Variants in GLDN observed in about 807,000 individuals in gnomAD.
GLDN encodes collomin.
A neutral mutation model predicts 56.5 loss-of-function variants in GLDN; 47 were observed. The ratio of observed to expected loss-of-function variants is 0.83; its 90% confidence interval spans 0.66 to 1.06. The LOEUF (loss-of-function observed/expected upper bound fraction) is 1.06, where lower values mean the gene tolerates loss of function less well. Among genes scored for constraint, GLDN ranks in the 50% least tolerant of loss-of-function variants. GLDN has a pLI of 0.00. For synonymous variants in GLDN, 332 were observed against 278.8 expected (o/e 1.19, Z -1.90); for missense variants, 782 against 714.3 (o/e 1.09, Z -1.08).
At chr15:51,349,646 C>T (rs114955235) in intron 1 of GLDN, among the ~76,000 whole-genome samples, 5,318 of 152,204 alleles carry the variant, frequency 0.035, 293 homozygotes, top group African/African-American at 0.12. Context: ...ACCATGTGAC[C>T]CACAAAGCCT....
chr15:51,355,990 G>A (rs546254501), intron 1 of GLDN, among the ~76,000 whole-genome samples: 6,085 of 148,078 alleles, frequency 0.041, 161 homozygotes, highest in South Asian at 0.067. Context: ...GGCGGATCAC[G>A]AGGTCAGAAG....
At chr15:51,351,853 CA>C (rs2037082122) in intron 1 of GLDN, among the ~76,000 whole-genome samples, 1 of 152,140 alleles carries the variant, frequency 6.6e-6, no homozygotes, top group Non-Finnish European at 1.5e-5. Flanking sequence ...TGATCTTGGG[CA>C]AATCTTTTAA....
chr15:51,407,122 C>T lies in GLDN; in HGVS notation c.*2368C>T, dbSNP rs1446920945. 2.6e-5 allele frequency: 4 copies of T among 152,024 alleles called. No homozygotes were observed. In the East Asian group the frequency reaches 7.7e-4, roughly 29 times the overall value. The allele number at this position is 152,024 out of a possible 1,614,324, so 9.4% of individuals were successfully genotyped here. A position where few individuals can be genotyped will look rare whatever the true frequency, so the allele number is the denominator to read the frequency against. Reference sequence around the variant, plus strand: ...TTACTTGTGAGTAAGGGATCATGCTCACCACTGGAGAAGCTTACACCGGGA... The same window carrying T: ...TTACTTGTGAGTAAGGGATCATGCTTACCACTGGAGAAGCTTACACCGGGA... On this transcript the variant is annotated 3_prime_UTR_variant, in exon 10 of 10. Transcript: ENST00000335449.
chr15:51,394,005 T>C (rs1300279471), intron 4 of GLDN, among the ~76,000 whole-genome samples: 1 of 152,204 alleles, frequency 6.6e-6, no homozygotes, highest in Non-Finnish European at 1.5e-5. Flanking sequence ...GAAAAGGGCA[T>C]TGGAGATGGA....
At chr15:51,357,075 T>C (rs891755364) in intron 1 of GLDN, among the ~76,000 whole-genome samples, 1 of 152,208 alleles carries the variant, frequency 6.6e-6, no homozygotes, top group Non-Finnish European at 1.5e-5. Flanking sequence ...ATTTTGGATA[T>C]TGGATTTAGG....
intron 1 of GLDN, among the ~76,000 whole-genome samples, chr15:51,355,959 A>G (rs145619752): frequency 0.047 from 6,926 of 148,488 alleles, 207 homozygotes; most frequent in South Asian, 0.078. Context: ...TGTAATCCCA[A>G]CACTTTGGGA....
chr15:51,369,736 A>C (rs2037477182), intron 1 of GLDN, among the ~76,000 whole-genome samples: 1 of 152,226 alleles, frequency 6.6e-6, no homozygotes, highest in East Asian at 1.9e-4. Context: ...CTATTAGTAA[A>C]AATTTAATAT....
Position 51,400,510 on chromosome 15 carries a change from C to G in GLDN, c.1027+12C>G, listed in dbSNP as rs756850716. On this transcript the variant is annotated intron_variant, in intron 8 of 9. Transcript: ENST00000335449. ...AGAGCATTTTTCAGGTACTTGCACT[C>G]GGCCTATGACCCATATCTGTGTGGT... 1.2e-6 allele frequency: 2 copies of G among 1,613,230 alleles called. No homozygotes were observed. Among genetic ancestry groups the G allele is most frequent in the East Asian group, 4.5e-5 (2 of 44,878 alleles).
chr15:51,374,102 T>C (rs2037574004), intron 1 of GLDN, among the ~76,000 whole-genome samples: 1 of 152,214 alleles, frequency 6.6e-6, no homozygotes, highest in African/African-American at 2.4e-5. Flanking sequence ...ATATCTCAAT[T>C]GACATTTAGC....
intron 6 of GLDN, among the ~76,000 whole-genome samples, chr15:51,399,504 C>T (rs991645424): frequency 6.6e-6 from 1 of 152,194 alleles, no homozygotes; most frequent in Non-Finnish European, 1.5e-5. Context: ...TTAAGGGGGA[C>T]ACTGATAACC....
intron 4 of GLDN, among the ~76,000 whole-genome samples, chr15:51,391,324 AAAAG>A (rs1470087242): frequency 6.6e-6 from 1 of 152,226 alleles, no homozygotes; most frequent in African/African-American, 2.4e-5. Flanking sequence ...AGGAAGAAAG[AAAAG>A]AAAGGAAGGG....
At chr15:51,356,018 T>C (rs1210392963) in intron 1 of GLDN, among the ~76,000 whole-genome samples, 6 of 149,230 alleles carry the variant, frequency 4.0e-5, no homozygotes, top group East Asian at 2.1e-4. Flanking sequence ...CCATCCTGGC[T>C]AACATGGTGA....
At chr15:51,357,703 G>A (rs1267887705) in intron 1 of GLDN, among the ~76,000 whole-genome samples, 1 of 152,196 alleles carries the variant, frequency 6.6e-6, no homozygotes, top group Admixed American at 6.5e-5. Flanking sequence ...TGAGATCATG[G>A]CACAGCCAGA....
intron 1 of GLDN, among the ~76,000 whole-genome samples, chr15:51,363,083 A>G (rs1000418607): frequency 2.0e-5 from 3 of 152,208 alleles, no homozygotes; most frequent in Non-Finnish European, 4.4e-5. Flanking sequence ...TGAAGAGTTC[A>G]GTTTTGAATG....
intron 1 of GLDN, among the ~76,000 whole-genome samples, chr15:51,344,548 G>A (rs996315421): frequency 2.0e-5 from 3 of 152,066 alleles, no homozygotes; most frequent in African/African-American, 4.8e-5. Flanking sequence ...AGTATATATC[G>A]TGGAGGCAAG....
intron 1 of GLDN, chr15:51,367,234 G>T (rs1465513078): frequency 6.6e-6 from 1 of 152,208 alleles, no homozygotes; most frequent in Non-Finnish European, 1.5e-5. Context: ...GGGACTTCAG[G>T]CATGCATTTT....
At chr15:51,394,474 G>A (rs2038082679) in intron 4 of GLDN, among the ~76,000 whole-genome samples, 1 of 152,184 alleles carries the variant, frequency 6.6e-6, no homozygotes, top group Non-Finnish European at 1.5e-5. Flanking sequence ...TTAGATGGGT[G>A]TGGTGGCTCA....
chr15:51,359,777 C>A lies in GLDN; in HGVS notation c.364-17672C>A, dbSNP rs568372620. 1.1e-3 allele frequency among the ~76,000 whole-genome samples: 173 copies of A among 152,084 alleles called. 1 individual carries two copies. The highest frequency in any genetic ancestry group is 3.4e-3 in the African/African-American group (140 of 41,474). ...GGATCATGAGGTCAGGAGATCGAGA[C>A]CATCCTGGCTAACATGGTGAAACCC... On this transcript the variant is annotated intron_variant, in intron 1 of 9. Coordinates refer to ENST00000335449, the MANE Select transcript of GLDN (RefSeq NM_181789.4).
intron 1 of GLDN, among the ~76,000 whole-genome samples, chr15:51,375,656 A>T (rs1249016724): frequency 6.6e-6 from 1 of 152,208 alleles, no homozygotes; most frequent in Admixed American, 6.5e-5. Flanking sequence ...GCCATGCTGC[A>T]GTGACCACCT....
Sources: allele counts gnomAD v4.1 joint callset (sites outside exome capture counted in the v4.1 genomes callset), GRCh38; gene constraint gnomAD v4.1.1; transcripts MANE v1.5; gene names NCBI Gene and HGNC (gene_info 2026-07-23, HGNC 2026-07-21).